The following IGSF3 variants were observed in gnomAD, a reference collection of about 807,000 sequenced individuals.
The protein encoded by IGSF3 is immunoglobulin superfamily member 3.
In IGSF3, 23 loss-of-function variants were observed where a neutral mutation model predicts 114.4. The ratio of observed to expected loss-of-function variants is 0.20; its 90% CI spans 0.14 to 0.28. IGSF3 has a LOEUF of 0.28. IGSF3 is among the 10% of genes least tolerant of loss of function. The pLI is 1.00. For missense variants in IGSF3, 1,172 were observed against 1,591.5 expected, an observed-to-expected ratio of 0.74 and a Z score of 4.48; for synonymous variants, 571 against 645.2, an observed-to-expected ratio of 0.88 and a Z score of 1.74.
Position 116,588,822 on chromosome 1 carries a change from C to T in IGSF3, c.2312G>A (p.Arg771Lys). ...SGGLFSLTVQRAEVSDSGSYY... is the reference protein window; with the variant it reads ...SGGLFSLTVQKAEVSDSGSYY... The stretch of plus-strand genomic sequence containing the variant: ...GCTGCCGCTGTCGCTGACCTCGGCT[C>T]TCTGGACGGTGAGGCTGAACAGGCC... The change falls in exon 8 of 11, where the codon AGA (arginine) becomes AAA (lysine). Residue 771 changes from arginine to lysine, a missense_variant. Arg to Lys is a conservative substitution (Grantham distance 26, BLOSUM62 2). This residue lies in a region of IGSF3 where 736 missense variants were observed against 1,042.0 expected (regional missense o/e 0.71). Transcript: ENST00000369486. This position sits in a 1 kb window ranked among gnomAD's most constrained non-coding sequence, Gnocchi z 4.9. The T allele has an allele frequency of 1.2e-6, 2 of 1,614,182 alleles. No homozygotes were observed. Among genetic ancestry groups the T allele is most frequent in the Non-Finnish European group, 1.7e-6 (2 of 1,180,010 alleles).
At position 116,650,535 on chromosome 1, in the gene IGSF3, G is replaced by A. The variant is rs947193016; in HGVS notation, c.43+15749C>T. On this transcript the variant is annotated intron_variant, in intron 2 of 10. Coordinates refer to ENST00000369486, the MANE Select transcript of IGSF3 (RefSeq NM_001007237.3). This position sits in a 1 kb window ranked among gnomAD's most constrained non-coding sequence, Gnocchi z 5.0. ...ATCAGCACGTACCCTAGAGCTGGAG[G>A]CAGGGTCACCTTTCCTTGAGTGGCA... is the stretch of plus-strand genomic sequence containing the variant. 6.6e-6 allele frequency among the ~76,000 whole-genome samples: 1 copy of A among 152,176 alleles called. No individual in the cohort carries two copies. The highest frequency in any genetic ancestry group is 1.5e-5 in the Non-Finnish European group (1 of 68,038).
In IGSF3 at chr1:116,596,944, A is replaced by G. The variant is rs1485530328; in HGVS notation, c.2029+2997T>C. On this transcript the variant is annotated intron_variant, in intron 7 of 10. Transcript: ENST00000369486. The surrounding 1 kb of genome is among the most constrained non-coding windows in gnomAD (Gnocchi z 4.1). Reference sequence around the variant, plus strand: ...AATATTAGCTGCTACTGTTGTTACTACCAGTAACACTAGTGCTATAACTCC... The same window carrying G: ...AATATTAGCTGCTACTGTTGTTACTGCCAGTAACACTAGTGCTATAACTCC... 1.3e-5 allele frequency among the ~76,000 whole-genome samples: 2 copies of G among 152,252 alleles called. No individual in the cohort carries two copies. The highest frequency in any genetic ancestry group is 4.8e-5 in the African/African-American group (2 of 41,464).
rs1332329912 is a variant in IGSF3 at position 116,615,916 on chromosome 1, T to A, written c.421+164A>T. 6.6e-6 allele frequency among the ~76,000 whole-genome samples: 1 copy of A among 152,258 alleles called. No homozygotes were observed. The highest frequency in any genetic ancestry group is 1.9e-4 in the East Asian group (1 of 5,204). ...CCCTCAACCACCTATTATTTAGAAG[T>A]GAACACAGAAATTTAGTTTCCTTGT... On this transcript the variant is annotated intron_variant, in intron 3 of 10. Coordinates refer to ENST00000369486, the MANE Select transcript of IGSF3 (RefSeq NM_001007237.3). The surrounding 1 kb of genome is among the most constrained non-coding windows in gnomAD (Gnocchi z 4.3).
chr1:116,647,633 A>C lies in IGSF3; in HGVS notation c.43+18651T>G, dbSNP rs1376113866. 6.6e-6 allele frequency among the ~76,000 whole-genome samples: 1 copy of C among 152,240 alleles called. No homozygotes were observed. The highest frequency in any genetic ancestry group is 6.5e-5 in the Admixed American group (1 of 15,286). The stretch of plus-strand genomic sequence containing the variant: ...GAGAGTTTAGAAAAGTAACTTGCAA[A>C]ATCATACTGCTGGCTCCATAACAAA... On this transcript the variant is annotated intron_variant, in intron 2 of 10. Coordinates refer to ENST00000369486, the MANE Select transcript of IGSF3 (RefSeq NM_001007237.3). This position sits in a 1 kb window ranked among gnomAD's most constrained non-coding sequence, Gnocchi z 4.6.
intron 5 of IGSF3, among the ~76,000 whole-genome samples, chr1:116,606,255 A>T (rs1660788155): frequency 6.6e-6 from 1 of 152,258 alleles, no homozygotes; most frequent in African/African-American, 2.4e-5. Context: ...TCCTAATGCA[A>T]TGCAAGCTCA....
rs565301695 is a variant in IGSF3, at chr1:116,584,274, G to A, written c.2848+371C>T. ...GTTTTCTATTTAAAGCATGTAAATC[G>A]ATTACTTTCCACTGAAAATCCACAA... On this transcript the variant is annotated intron_variant, in intron 9 of 10. Coordinates refer to ENST00000369486, the MANE Select transcript of IGSF3 (RefSeq NM_001007237.3). This position sits in a 1 kb window ranked among gnomAD's most constrained non-coding sequence, Gnocchi z 5.8. Among the ~76,000 whole-genome samples, 2 of 151,860 alleles carry A rather than the reference G, an allele frequency of 1.3e-5. No individual in the cohort carries two copies. Among genetic ancestry groups the A allele is most frequent in the African/African-American group, 2.4e-5 (1 of 41,352 alleles).
At chr1:116,617,096 A>G (rs145412393) in intron 2 of IGSF3, 6,422 of 226,808 alleles carry the variant, frequency 0.028, 376 homozygotes, top group African/African-American at 0.13. Context: ...ACAAATGTGA[A>G]GGGCTGAAAC....
rs1660864411 is a variant in IGSF3, at chr1:116,608,100, C to T, written c.1064G>A (p.Ser355Asn). 6.2e-6 allele frequency: 10 copies of T among 1,613,830 alleles called. No individual in the cohort carries two copies. Among genetic ancestry groups the T allele is most frequent in the Non-Finnish European group, 7.6e-6 (9 of 1,179,858 alleles). The change falls in exon 5 of 11, where the codon AGC (serine) becomes AAC (asparagine). Residue 355 changes from serine (S) to asparagine (N), a missense_variant. By Grantham distance (46) the Ser-to-Asn change is conservative (BLOSUM62 1). This residue lies in a region of IGSF3 where 736 missense variants were observed against 1,042.0 expected (regional missense o/e 0.71). Coordinates refer to ENST00000369486, the MANE Select transcript of IGSF3 (RefSeq NM_001007237.3). ...ARGQLKVAKE[S>N]DSVFVLKIYH... ...GATCTTCAGCACAAAGACACTGTCGCTCTCTTTGGCCACCTTAAGCTGTCC... is the reference window on the plus strand; with the variant it reads ...GATCTTCAGCACAAAGACACTGTCGTTCTCTTTGGCCACCTTAAGCTGTCC...
At position 116,627,381 on chromosome 1, in the gene IGSF3, G is replaced by A. The variant is rs1647338757; in HGVS notation, c.44-10924C>T. Among the ~76,000 whole-genome samples the A allele has an allele frequency of 6.6e-6, 1 of 152,154 alleles. No individual in the cohort carries two copies. The highest frequency in any genetic ancestry group is 1.5e-5 in the Non-Finnish European group (1 of 68,024). On this transcript the variant is annotated intron_variant, in intron 2 of 10. Coordinates refer to ENST00000369486, the MANE Select transcript of IGSF3 (RefSeq NM_001007237.3). This position sits in a 1 kb window ranked among gnomAD's most constrained non-coding sequence, Gnocchi z 4.7. ...GTCTGGTCCCCAGATTTTCAGTCTGGGAGAAAGGTGTCTGCTGGATTTCAA... is the reference window on the plus strand; with the variant it reads ...GTCTGGTCCCCAGATTTTCAGTCTGAGAGAAAGGTGTCTGCTGGATTTCAA...
At chr1:116,617,582 C>A (rs184881205) in intron 2 of IGSF3, among the ~76,000 whole-genome samples, 2 of 152,358 alleles carry the variant, frequency 1.3e-5, no homozygotes, top group Admixed American at 1.3e-4. Context: ...GGTTCCGATG[C>A]TGGCTTTGTC....
chr1:116,644,001 C>G lies in IGSF3; in HGVS notation c.43+22283G>C, dbSNP rs1015200980. 1.3e-5 allele frequency among the ~76,000 whole-genome samples: 2 copies of G among 152,202 alleles called. No homozygotes were observed. Among genetic ancestry groups the G allele is most frequent in the Non-Finnish European group, 2.9e-5 (2 of 68,034 alleles). The stretch of plus-strand genomic sequence containing the variant: ...CAATTTGGAGGGGCTGCTCCCAGCA[C>G]GCATGCTGCAAGATAAACTTCAGTG... On this transcript the variant is annotated intron_variant, in intron 2 of 10. Coordinates refer to ENST00000369486, the MANE Select transcript of IGSF3 (RefSeq NM_001007237.3). This position sits in a 1 kb window ranked among gnomAD's most constrained non-coding sequence, Gnocchi z 5.6.
rs1044182433 is a variant in IGSF3 at position 116,585,839 on chromosome 1, A to G, written c.2441-787T>C. 1.3e-5 allele frequency among the ~76,000 whole-genome samples: 2 copies of G among 152,178 alleles called. No homozygotes were observed. Among genetic ancestry groups the G allele is most frequent in the African/African-American group, 4.8e-5 (2 of 41,448 alleles). ...CGGGAGGTGAAGGTTGCAGTGAGCT[A>G]AGATCGTGCCATTGCACACTCCAGC... On this transcript the variant is annotated intron_variant, in intron 8 of 10. Coordinates refer to ENST00000369486, the MANE Select transcript of IGSF3 (RefSeq NM_001007237.3). This position sits in a 1 kb window ranked among gnomAD's most constrained non-coding sequence, Gnocchi z 4.9.
In IGSF3 at chr1:116,649,107, C is replaced by G. The variant is rs924239920; in HGVS notation, c.43+17177G>C. Among the ~76,000 whole-genome samples, 1 of 152,224 alleles carries G rather than the reference C, an allele frequency of 6.6e-6. No homozygotes were observed. Among genetic ancestry groups the G allele is most frequent in the Non-Finnish European group, 1.5e-5 (1 of 68,038 alleles). On this transcript the variant is annotated intron_variant, in intron 2 of 10. Transcript: ENST00000369486. This position sits in a 1 kb window ranked among gnomAD's most constrained non-coding sequence, Gnocchi z 4.5. The stretch of plus-strand genomic sequence containing the variant: ...CCACCCATTACAGCTTCAGATCTCG[C>G]TTCTACCAGGATTTCCCAGCTGAGC...
In IGSF3 at chr1:116,584,646, T is replaced by C. The variant is rs752370054; in HGVS notation, c.2847A>G (p.Pro949=). ...AGQTALTVMR[P]DASLQVDTVV... ...AAGCTTGGGGACGTGGACCCTCACC[T>C]GGTCGCATGACTGTCAGAGCTGTCT... The change falls in exon 9 of 11, where the codon CCA becomes CCG. Residue 949 remains proline, a splice_region_variant and synonymous_variant. Transcript: ENST00000369486. The surrounding 1 kb of genome is among the most constrained non-coding windows in gnomAD (Gnocchi z 5.8). 3.1e-6 allele frequency: 5 copies of C among 1,614,154 alleles called. No individual in the cohort carries two copies. The highest frequency in any genetic ancestry group is 4.2e-6 in the Non-Finnish European group (5 of 1,179,984).
chr1:116,626,636 TG>T (rs1421234268), intron 2 of IGSF3, among the ~76,000 whole-genome samples: 1 of 152,196 alleles, frequency 6.6e-6, no homozygotes, highest in East Asian at 1.9e-4. Context: ...AGGATGTCCA[TG>T]GCTATTTCAC....
chr1:116,584,705 T>C lies in IGSF3; in HGVS notation c.2788A>G (p.Met930Val), dbSNP rs1167282470. 7 of 1,613,856 alleles carry C rather than the reference T, an allele frequency of 4.3e-6. No homozygotes were observed. Among genetic ancestry groups the C allele is most frequent in the Non-Finnish European group, 5.1e-6 (6 of 1,179,712 alleles). Residue 930 changes from methionine to valine, a missense_variant, in exon 9 of 11, where the codon ATG becomes GTG. This residue lies in a region of IGSF3 where 423 missense variants were observed against 509.8 expected (regional missense o/e 0.83). Coordinates refer to ENST00000369486, the MANE Select transcript of IGSF3 (RefSeq NM_001007237.3). The surrounding 1 kb of genome is among the most constrained non-coding windows in gnomAD (Gnocchi z 5.8). ...VEEWLPSPSG[M>V]WYKRAEDTAG... is the part of the protein sequence containing the mutation. ...GTGTCCTCTGCCCGCTTATACCACA[T>C]GCCACTGGGGCTGGGCAGCCACTCC...
In IGSF3 at chr1:116,577,545, T is replaced by C. The variant is rs888471841; in HGVS notation, c.3352A>G (p.Ile1118Val). 3.1e-6 allele frequency: 5 copies of C among 1,614,002 alleles called. No homozygotes were observed. In the East Asian group the frequency reaches 8.9e-5, roughly 29 times the overall value. ...VLDTSPTLQS[I>V]ICSNDALFYF... ...AAGAGTGCGTCGTTGGAGCAGATGA[T>C]GGACTGGAGGGTGGGACCTGAAAAG... The change falls in exon 11 of 11, where the codon ATC becomes GTC. Residue 1118 changes from isoleucine to valine, a missense_variant. Physicochemically the swap from Ile to Val is conservative, Grantham distance 29. Around this residue, in one of 3 missense-constraint regions of IGSF3, gnomAD observed 423 missense variants for 509.8 expected, o/e 0.83. Coordinates refer to ENST00000369486, the MANE Select transcript of IGSF3 (RefSeq NM_001007237.3). The surrounding 1 kb of genome is among the most constrained non-coding windows in gnomAD (Gnocchi z 5.7).
At chr1:116,586,932 T>A (rs1024707599) in intron 8 of IGSF3, among the ~76,000 whole-genome samples, 1 of 151,860 alleles carries the variant, frequency 6.6e-6, no homozygotes, top group Non-Finnish European at 1.5e-5. Flanking sequence ...TGGGAATCAC[T>A]TCAGACCAGA....
chr1:116,609,045 AGGAAAGTACCTACTTTAGTG>A (rs1360855550), intron 4 of IGSF3, among the ~76,000 whole-genome samples: 5 of 151,946 alleles, frequency 3.3e-5, no homozygotes, highest in Non-Finnish European at 7.4e-5. Context: ...TTACTTTAGT[AGGAAAGTACCTACTTTAGTG>A]GGAAAGTACC....
Sources: allele counts gnomAD v4.1 joint callset (sites outside exome capture counted in the v4.1 genomes callset), GRCh38; gene constraint gnomAD v4.1.1; regional missense constraint gnomAD v4.1.1; non-coding constraint Gnocchi (gnomAD v3.1); transcripts MANE v1.5; gene names NCBI Gene and HGNC (gene_info 2026-07-23, HGNC 2026-07-21).